Variants in FBXL7 observed in about 807,000 individuals in gnomAD.
FBXL7 encodes F-box and leucine rich repeat protein 7.
FBXL7 carries 12 observed loss-of-function variants against 38.3 expected under a neutral mutation model. The observed-to-expected ratio is 0.31, with a 90% confidence interval of 0.20 to 0.51. The LOEUF (loss-of-function observed/expected upper bound fraction) is 0.51, where lower values mean the gene tolerates loss of function less well. Among genes scored for constraint, FBXL7 ranks in the 20% least tolerant of loss-of-function variants. The pLI is 0.98. For missense variants in FBXL7, 567 were observed against 676.4 expected (o/e 0.84, Z 1.79); for synonymous variants, 297 against 300.9 (o/e 0.99, Z 0.13).
At chr5:15,767,080 G>A (rs1297318346) in intron 2 of FBXL7, among the ~76,000 whole-genome samples, 1 of 152,020 alleles carries the variant, frequency 6.6e-6, no homozygotes, top group East Asian at 1.9e-4. Flanking sequence ...GTGCCATGGT[G>A]ATTTGCTGCA....
intron 2 of FBXL7, among the ~76,000 whole-genome samples, chr5:15,801,679 T>G (rs6868816): frequency 8.5e-4 from 120 of 141,262 alleles, no homozygotes; most frequent in Admixed American, 3.2e-3. Context: ...GTGTGTGTGT[T>G]TGTGTGTGTG....
At chr5:15,911,552 G>C (rs1466395422) in intron 2 of FBXL7, among the ~76,000 whole-genome samples, 2 of 119,524 alleles carry the variant, frequency 1.7e-5, no homozygotes, top group Non-Finnish European at 3.1e-5. Flanking sequence ...ATCCAGCTTT[G>C]TTCTGTTGCT....
At position 15,513,678 on chromosome 5, in the gene FBXL7, A is replaced by G. The variant is rs114125747; in HGVS notation, c.37+12965A>G. Reference sequence around the variant, plus strand: ...CTTCATTTTGAAGTGCCAGATGTCAATGCAGATTCATAGGCAACATTCATA... The same window carrying G: ...CTTCATTTTGAAGTGCCAGATGTCAGTGCAGATTCATAGGCAACATTCATA... On this transcript the variant is annotated intron_variant, in intron 1 of 3. Coordinates refer to ENST00000504595, the MANE Select transcript of FBXL7 (RefSeq NM_012304.5). 2.3e-3 allele frequency among the ~76,000 whole-genome samples: 348 copies of G among 152,354 alleles called. 2 individuals are homozygous for G. The highest frequency in any genetic ancestry group is 7.5e-3 in the African/African-American group (310 of 41,586).
Position 15,676,299 on chromosome 5 carries a change from A to G in FBXL7, c.127+60227A>G, listed in dbSNP as rs1742653229. The stretch of plus-strand genomic sequence containing the variant: ...TTGGTTTAAAAGTGAACAAGGGAAG[A>G]CTGATAAATTTTTCTTTTTCACTTT... On this transcript the variant is annotated intron_variant, in intron 2 of 3. Coordinates refer to ENST00000504595, the MANE Select transcript of FBXL7 (RefSeq NM_012304.5). Among the ~76,000 whole-genome samples the G allele has an allele frequency of 2.0e-5, 3 of 152,180 alleles. No individual in the cohort carries two copies. In the South Asian group the frequency reaches 6.2e-4, roughly 31 times the overall value.
chr5:15,853,518 C>G (rs537278507), intron 2 of FBXL7, among the ~76,000 whole-genome samples: 8 of 152,090 alleles, frequency 5.3e-5, no homozygotes, highest in African/African-American at 1.9e-4. Context: ...TTCCTGGGAC[C>G]TTAGTAATGA....
At chr5:15,645,620 C>G (rs769447277) in intron 2 of FBXL7, among the ~76,000 whole-genome samples, 1 of 152,206 alleles carries the variant, frequency 6.6e-6, no homozygotes, top group African/African-American at 2.4e-5. Context: ...GGCACATGTC[C>G]TCAACCTAGG....
At chr5:15,819,607 T>C (rs1231770515) in intron 2 of FBXL7, among the ~76,000 whole-genome samples, 1 of 152,204 alleles carries the variant, frequency 6.6e-6, no homozygotes, top group Non-Finnish European at 1.5e-5. Flanking sequence ...GGAAAGTGTT[T>C]CTAGTAAAAG....
chr5:15,873,910 ATT>A, intron 2 of FBXL7, among the ~76,000 whole-genome samples: 1 of 152,156 alleles, frequency 6.6e-6, no homozygotes, highest in East Asian at 1.9e-4. Context: ...TCCCTAACTC[ATT>A]TTTTATGAGG....
intron 1 of FBXL7, among the ~76,000 whole-genome samples, chr5:15,505,844 C>T (rs183708452): frequency 1.1e-4 from 16 of 152,226 alleles, no homozygotes; most frequent in Admixed American, 5.2e-4. Flanking sequence ...CCCCCACATC[C>T]GCTGGGGATG....
chr5:15,905,969 C>G (rs542399757), intron 2 of FBXL7, among the ~76,000 whole-genome samples: 3 of 150,102 alleles, frequency 2.0e-5, no homozygotes, highest in Non-Finnish European at 4.4e-5. Context: ...ATGCTGAATA[C>G]GCAACATCCT....
chr5:15,827,476 T>C (rs1179866358), intron 2 of FBXL7, among the ~76,000 whole-genome samples: 6 of 152,200 alleles, frequency 3.9e-5, no homozygotes, highest in Non-Finnish European at 8.8e-5. Context: ...GAATGAGTAA[T>C]TTATCATAAA....
rs1048509393 is a variant in FBXL7, at chr5:15,728,216, C to T, written c.127+112144C>T. Among the ~76,000 whole-genome samples the T allele has an allele frequency of 2.0e-5, 3 of 152,036 alleles. No individual in the cohort carries two copies. The South Asian group carries it at 6.2e-4, about 32-fold the overall frequency. On this transcript the variant is annotated intron_variant, in intron 2 of 3. Transcript: ENST00000504595. ...AGTATATCTGCCATGATGTCTTTTTCAGGGACAACTTCTGTTGGTTTGTTT... is the reference window on the plus strand; with the variant it reads ...AGTATATCTGCCATGATGTCTTTTTTAGGGACAACTTCTGTTGGTTTGTTT...
chr5:15,859,031 G>A (rs1739359204), intron 2 of FBXL7, among the ~76,000 whole-genome samples: 2 of 152,092 alleles, frequency 1.3e-5, no homozygotes, highest in Non-Finnish European at 2.9e-5. Flanking sequence ...ATTATTTAAA[G>A]TTAGGTTTTC....
intron 2 of FBXL7, among the ~76,000 whole-genome samples, chr5:15,699,967 A>C (rs1743470380): frequency 6.6e-6 from 1 of 152,214 alleles, no homozygotes; most frequent in South Asian, 2.1e-4. Context: ...ATGTTCATCT[A>C]TTTTGACAGG....
At chr5:15,558,756 C>T (rs950570179) in intron 1 of FBXL7, among the ~76,000 whole-genome samples, 2 of 152,210 alleles carry the variant, frequency 1.3e-5, no homozygotes, top group African/African-American at 4.8e-5. Context: ...GAATTATTTT[C>T]TCCTCTCATA....
At chr5:15,589,982 G>T (rs1739422674) in intron 1 of FBXL7, among the ~76,000 whole-genome samples, 1 of 152,178 alleles carries the variant, frequency 6.6e-6, no homozygotes. Context: ...AACAATGAAG[G>T]TTGGGACTTC....
At chr5:15,664,018 CTGTT>C (rs1336496936) in intron 2 of FBXL7, among the ~76,000 whole-genome samples, 1 of 151,994 alleles carries the variant, frequency 6.6e-6, no homozygotes, top group Non-Finnish European at 1.5e-5. Flanking sequence ...ATAATCCTGT[CTGTT>C]CTGTTTTCCT....
At chr5:15,799,356 CTTTTTTTT>C (rs34953272) in intron 2 of FBXL7, among the ~76,000 whole-genome samples, 3 of 90,906 alleles carry the variant, frequency 3.3e-5, no homozygotes, top group Middle Eastern at 9.4e-3. Context: ...AAACCCCTCC[CTTTTTTTT>C]TTTTTTTTTT....
intron 2 of FBXL7, among the ~76,000 whole-genome samples, chr5:15,678,159 G>A (rs1742723314): frequency 6.6e-6 from 1 of 152,140 alleles, no homozygotes; most frequent in Non-Finnish European, 1.5e-5. Flanking sequence ...ATACTGCCAA[G>A]TTCTAGTTAG....
Sources: gnomAD v4.1 joint callset for allele counts (sites outside exome capture counted in the v4.1 genomes callset) on GRCh38, gnomAD v4.1.1 for gene constraint, MANE v1.5 for transcripts, NCBI Gene and HGNC (gene_info 2026-07-23, HGNC 2026-07-21) for gene names.